The following RIPOR3 variants were observed in gnomAD, a reference collection of about 807,000 sequenced individuals.
RIPOR3 encodes RIPOR family member 3.
RIPOR3 carries 95 observed loss-of-function variants against 114.3 expected under a neutral mutation model. That is an observed-to-expected ratio of 0.83 (90% CI 0.70 to 0.99). The LOEUF (loss-of-function observed/expected upper bound fraction) is 0.99. Among genes scored for constraint, RIPOR3 ranks in the 50% least tolerant of loss-of-function variants. The probability of loss-of-function intolerance (pLI) is 0.00; values close to 1 mark genes in which losing one functional copy is unlikely to be tolerated. For synonymous variants in RIPOR3, 575 were observed against 543.8 expected, an observed-to-expected ratio of 1.06 and a Z score of -0.80; for missense variants, 1,252 against 1,266.9, an observed-to-expected ratio of 0.99 and a Z score of 0.18.
chr20:50,652,590 C>CAAAAAAAAAAAAAAAAAAAAAAAA (rs11470456), intron 1 of RIPOR3, among the ~76,000 whole-genome samples: 6 of 87,324 alleles, frequency 6.9e-5, no homozygotes, highest in Non-Finnish European at 9.0e-5. Flanking sequence ...GATTCTGTCT[C>CAAAAAAAAAAAAAAAAAAAAAAAA]AAAAAAAAAA....
At chr20:50,644,278 G>A (rs992265994) in intron 1 of RIPOR3, among the ~76,000 whole-genome samples, 17 of 151,420 alleles carry the variant, frequency 1.1e-4, no homozygotes. Flanking sequence ...GACCCCAACC[G>A]AAAATTCTTA....
intron 1 of RIPOR3, among the ~76,000 whole-genome samples, chr20:50,642,940 C>T (rs1318792356): frequency 1.3e-5 from 2 of 151,912 alleles, no homozygotes; most frequent in African/African-American, 2.4e-5. Context: ...CCCAGCTACT[C>T]AGGAGGCTGA....
intron 17 of RIPOR3, among the ~76,000 whole-genome samples, chr20:50,593,627 C>T (rs1198078840): frequency 1.3e-5 from 2 of 152,158 alleles, no homozygotes; most frequent in East Asian, 3.9e-4. Flanking sequence ...ACTGCATTCC[C>T]TGTGCTGTAG....
chr20:50,594,838 A>C, intron 16 of RIPOR3, 124 bp from the exon 17 acceptor site: 1 of 1,131,042 alleles, frequency 8.8e-7, no homozygotes, highest in South Asian at 1.6e-5. Context: ...GCTTGATGCG[A>C]GGTCCCTTCC....
chr20:50,660,966 G>A (rs1051508888), intron 1 of RIPOR3, among the ~76,000 whole-genome samples: 6 of 151,704 alleles, frequency 4.0e-5, no homozygotes, highest in East Asian at 1.9e-4. Flanking sequence ...GGCCGGGTGC[G>A]GTGTCTCATG....
chr20:50,596,331 C>G (rs2083290061), intron 14 of RIPOR3, 68 bp from the exon 15 acceptor site: 2 of 1,597,712 alleles, frequency 1.3e-6, no homozygotes, highest in Non-Finnish European at 1.7e-6. Flanking sequence ...GGTGGGGGAA[C>G]CCTCCCTTCC....
intron 1 of RIPOR3, chr20:50,659,771 C>T (rs1022199096): frequency 6.6e-6 from 1 of 152,026 alleles, no homozygotes; most frequent in Non-Finnish European, 1.5e-5. Context: ...ATGGGGTCCT[C>T]GGATAATCAC....
At chr20:50,621,112 C>G (rs1310559567) in intron 2 of RIPOR3, 4 of 141,720 alleles carry the variant, frequency 2.8e-5, no homozygotes, top group Non-Finnish European at 5.0e-5. Context: ...AAATATAGAA[C>G]AGCTTGACAA....
intron 1 of RIPOR3, among the ~76,000 whole-genome samples, chr20:50,681,813 G>T (rs2086871175): frequency 6.6e-6 from 1 of 152,162 alleles, no homozygotes. Flanking sequence ...GTTCCTTTCT[G>T]TAGCACAGCT....
Position 50,608,537 on chromosome 20 carries a change from G to C in RIPOR3, c.811-3C>G. On this transcript the variant is annotated splice_polypyrimidine_tract_variant and splice_region_variant and intron_variant, in intron 10 of 21. Transcript: ENST00000327979. ...CCCAGGCCCCGCAACTCCGTCACCT[G>C]GGGGTGGGGGCTGGAGGGTGGTGTC... 5.0e-6 allele frequency: 8 copies of C among 1,613,704 alleles called. No homozygotes were observed. The highest frequency in any genetic ancestry group is 6.8e-6 in the Non-Finnish European group (8 of 1,179,880).
At chr20:50,611,120 A>G in intron 5 of RIPOR3, 61 bp downstream of exon 5, 1 of 1,612,558 alleles carries the variant, frequency 6.2e-7, no homozygotes. Flanking sequence ...AGATGCAATG[A>G]GGCACAGTCA....
At chr20:50,610,493 C>T (rs1030277727) in intron 6 of RIPOR3, among the ~76,000 whole-genome samples, 2 of 152,208 alleles carry the variant, frequency 1.3e-5, no homozygotes, top group African/African-American at 4.8e-5. Flanking sequence ...TGGGCCAACC[C>T]ATGTTCATCT....
chr20:50,644,348 C>A (rs2085316067), intron 1 of RIPOR3, among the ~76,000 whole-genome samples: 2 of 152,152 alleles, frequency 1.3e-5, no homozygotes, highest in Non-Finnish European at 2.9e-5. Context: ...TATGTTAATT[C>A]TAGTCTTTTC....
At chr20:50,591,634 A>ACC (rs2083111859) in intron 19 of RIPOR3, among the ~76,000 whole-genome samples, 1 of 152,142 alleles carries the variant, frequency 6.6e-6, no homozygotes, top group Non-Finnish European at 1.5e-5. Flanking sequence ...CCTTGATGTC[A>ACC]CCCTTCCTGA....
At position 50,630,729 on chromosome 20, in the gene RIPOR3, G is replaced by C; in HGVS notation, c.122+9C>G. The C allele has an allele frequency of 6.3e-7, 1 of 1,598,312 alleles. No individual in the cohort carries two copies. Among genetic ancestry groups the C allele is most frequent in the Non-Finnish European group, 8.5e-7 (1 of 1,171,850 alleles). ...CTGCACCCCGAAACAGGACACGGGG[G>C]GAACTTACGCGATCCTCCGGCTCTG... On this transcript the variant is annotated intron_variant, in intron 2 of 21. Coordinates refer to ENST00000327979, the MANE Select transcript of RIPOR3 (RefSeq NM_001290268.2).
At chr20:50,651,582 G>A (rs958569176) in intron 1 of RIPOR3, among the ~76,000 whole-genome samples, 2 of 152,136 alleles carry the variant, frequency 1.3e-5, no homozygotes, top group South Asian at 2.1e-4. Flanking sequence ...CAGATGGAAC[G>A]GTGTTCGAAT....
intron 1 of RIPOR3, among the ~76,000 whole-genome samples, chr20:50,658,015 T>C (rs1410720319): frequency 6.6e-6 from 1 of 152,072 alleles, no homozygotes; most frequent in Non-Finnish European, 1.5e-5. Context: ...TCCTCCTACC[T>C]CGGCCTCCCA....
intron 6 of RIPOR3, 86 bp from the exon 7 acceptor site, chr20:50,609,808 G>A (rs2083885064): frequency 2.3e-6 from 3 of 1,330,532 alleles, no homozygotes; most frequent in East Asian, 3.0e-5. Context: ...TCTGGGAGAG[G>A]CCCTCCCTGA....
rs553530939 is a variant in RIPOR3, at chr20:50,622,346, T to A, written c.123-2214A>T. Among the ~76,000 whole-genome samples, 4 of 152,196 alleles carry A rather than the reference T, an allele frequency of 2.6e-5. No individual in the cohort carries two copies. In the East Asian group the frequency reaches 7.7e-4, roughly 29 times the overall value. Reference sequence around the variant, plus strand: ...ACAGGCATGCACCACCATACCTGGATAATTTTTGTATTTTTAGTAGAGACA... The same window carrying A: ...ACAGGCATGCACCACCATACCTGGAAAATTTTTGTATTTTTAGTAGAGACA... On this transcript the variant is annotated intron_variant, in intron 2 of 21. Coordinates refer to ENST00000327979, the MANE Select transcript of RIPOR3 (RefSeq NM_001290268.2).
Sources: gnomAD v4.1 joint callset for allele counts (sites outside exome capture counted in the v4.1 genomes callset) on GRCh38, gnomAD v4.1.1 for gene constraint, MANE v1.5 for transcripts, NCBI Gene and HGNC (gene_info 2026-07-23, HGNC 2026-07-21) for gene names.